CCDC14: variants seen among roughly 807,000 people sequenced by gnomAD.
CCDC14 encodes the protein coiled-coil domain containing 14, also known as coiled-coil domain-containing protein 14.
Under a neutral mutation model 81.4 loss-of-function variants are expected in CCDC14, and 71 were observed. The ratio of observed to expected loss-of-function variants is 0.87; its 90% CI spans 0.72 to 1.06. CCDC14 has a LOEUF of 1.06. CCDC14 is among the 50% of genes least tolerant of loss of function. CCDC14 has a pLI of 0.00. For missense variants in CCDC14, 1,046 were observed against 1,047.3 expected, an observed-to-expected ratio of 1.00 and a Z score of 0.02; for synonymous variants, 332 against 364.8, an observed-to-expected ratio of 0.91 and a Z score of 1.03.
chr3:123,894,260 G>A (rs1321524743), downstream of CCDC14, among the ~76,000 whole-genome samples: 1 of 152,146 alleles, frequency 6.6e-6, no homozygotes. Flanking sequence ...GTTGAAAATA[G>A]GCTGACCATA....
intron 12 of CCDC14, among the ~76,000 whole-genome samples, chr3:123,928,400 G>A (rs1441565006): frequency 6.6e-6 from 1 of 151,600 alleles, no homozygotes; most frequent in Non-Finnish European, 1.5e-5. Flanking sequence ...CAGCTACTGG[G>A]GAGGCTGAGG....
intron 12 of CCDC14, among the ~76,000 whole-genome samples, chr3:123,929,196 T>C (rs1230493014): frequency 6.6e-6 from 1 of 152,224 alleles, no homozygotes; most frequent in Non-Finnish European, 1.5e-5. Context: ...CTCATGGCAC[T>C]TGACCATGCT....
intron 5 of CCDC14, among the ~76,000 whole-genome samples, chr3:123,900,427 C>T (rs2034156475): frequency 6.6e-6 from 1 of 152,198 alleles, no homozygotes; most frequent in African/African-American, 2.4e-5. Flanking sequence ...AGTAGGTCTT[C>T]CAGGACTCCT....
chr3:123,897,645 T>C, intron 5 of CCDC14: 1 of 1,033,278 alleles, frequency 9.7e-7, no homozygotes, highest in Non-Finnish European at 1.2e-6. Flanking sequence ...CATAAATAAA[T>C]ATAAACTTGG....
intron 8 of CCDC14, among the ~76,000 whole-genome samples, chr3:123,945,788 C>T (rs2036594856): frequency 6.6e-6 from 1 of 152,122 alleles, no homozygotes; most frequent in Admixed American, 6.5e-5. Flanking sequence ...AGTATATGTA[C>T]ACAGTAAACA....
At chr3:123,948,547 A>G (rs1171704496) in intron 7 of CCDC14, 144 bp downstream of exon 7, 55 of 736,356 alleles carry the variant, frequency 7.5e-5, no homozygotes, top group Non-Finnish European at 1.1e-4. Flanking sequence ...GGCCATAAAC[A>G]TGTAAAACTT....
At chr3:123,944,333 G>C (rs554344739) in intron 9 of CCDC14, among the ~76,000 whole-genome samples, 1 of 152,224 alleles carries the variant, frequency 6.6e-6, no homozygotes, top group African/African-American at 2.4e-5. Flanking sequence ...ATAAGTGGTA[G>C]CGAAACGATC....
intron 12 of CCDC14, among the ~76,000 whole-genome samples, chr3:123,927,485 T>C (rs2035437993): frequency 1.3e-5 from 2 of 152,136 alleles, no homozygotes; most frequent in Non-Finnish European, 2.9e-5. Context: ...TTCTAAATCT[T>C]TAGAAAATGT....
At chr3:123,958,818 C>A (rs1433612194) in intron 1 of CCDC14, 5 of 152,086 alleles carry the variant, frequency 3.3e-5, no homozygotes, top group Non-Finnish European at 7.4e-5. Context: ...CTCTGGTTCA[C>A]GCCCAATCCA....
chr3:123,948,262 A>T (rs1203227022), intron 7 of CCDC14, among the ~76,000 whole-genome samples: 2 of 146,818 alleles, frequency 1.4e-5, no homozygotes, highest in Non-Finnish European at 3.0e-5. Context: ...TTTGAGATAG[A>T]GTCTCACTCT....
rs1487819898 is a variant in CCDC14, at chr3:123,915,144, A to G, written c.2353T>C (p.Ser785Pro). The G allele has an allele frequency of 6.2e-7, 1 of 1,613,894 alleles. No homozygotes were observed. The highest frequency in any genetic ancestry group is 8.5e-7 in the Non-Finnish European group (1 of 1,179,840). ...GCATCTTCTGCTTCCTTTGTTGAAGAGGAACAGATTACAGGTGTACACAGT... is the reference window on the plus strand; with the variant it reads ...GCATCTTCTGCTTCCTTTGTTGAAGGGGAACAGATTACAGGTGTACACAGT... The part of the protein sequence containing the change: ...NKLCTPVICS[S>P]STKEAEDAPE... Residue 785 changes from serine to proline, a missense_variant, in exon 13 of 13, where the codon TCT (serine) becomes CCT (proline). Ser to Pro is a moderately conservative substitution (Grantham distance 74). Transcript: ENST00000409697.
At chr3:123,937,767 T>C (rs1480103879) in intron 9 of CCDC14, among the ~76,000 whole-genome samples, 2 of 151,964 alleles carry the variant, frequency 1.3e-5, no homozygotes, top group Non-Finnish European at 2.9e-5. Context: ...CTCTTACGTT[T>C]CCTTTCAGAG....
chr3:123,949,153 A>G (rs1250900009), intron 5 of CCDC14, 21 bp from the exon 6 acceptor site: 1 of 1,462,408 alleles, frequency 6.8e-7, no homozygotes, highest in Non-Finnish European at 9.4e-7. Flanking sequence ...AGAAGAAAAA[A>G]GTTCTTGAAA....
rs1046666099 is a variant in CCDC14, at chr3:123,933,727, T to C, written c.1372A>G (p.Arg458Gly). 7 of 1,572,658 alleles carry C rather than the reference T, an allele frequency of 4.5e-6. No individual in the cohort carries two copies. Among genetic ancestry groups the C allele is most frequent in the Non-Finnish European group, 6.1e-6 (7 of 1,156,442 alleles). The change falls in exon 10 of 13, where the codon AGA becomes GGA. Residue 458 changes from arginine to glycine, a missense_variant. Coordinates refer to ENST00000409697, the MANE Select transcript of CCDC14 (RefSeq NM_001366335.1). ...GGTTTTTGAGTTTTCTGTTGTTCTCTGAGTTGCTGGTTCAAAATTCTCAAC... is the reference window on the plus strand; with the variant it reads ...GGTTTTTGAGTTTTCTGTTGTTCTCCGAGTTGCTGGTTCAAAATTCTCAAC... ...RQLRILNQQL[R>G]EQQKTQKPSG... is the part of the protein sequence containing the mutation.
At chr3:123,929,183 AC>A (rs1166947015) in intron 12 of CCDC14, among the ~76,000 whole-genome samples, 4 of 151,990 alleles carry the variant, frequency 2.6e-5, no homozygotes, top group Non-Finnish European at 4.4e-5. Context: ...TCCTAAGCAA[AC>A]TCTCATGGCA....
intron 9 of CCDC14, among the ~76,000 whole-genome samples, chr3:123,938,217 A>G (rs1449369898): frequency 6.6e-6 from 1 of 151,858 alleles, no homozygotes; most frequent in Non-Finnish European, 1.5e-5. Context: ...CTATACATCA[A>G]TTTGGGGAGA....
At position 123,947,138 on chromosome 3, in the gene CCDC14, G is replaced by A; in HGVS notation, c.866C>T (p.Pro289Leu). 6.2e-7 allele frequency: 1 copy of A among 1,613,768 alleles called. No individual in the cohort carries two copies. The highest frequency in any genetic ancestry group is 8.5e-7 in the Non-Finnish European group (1 of 1,179,808). ...TGTTTCCTTATGAATTCCTTGTTGTGGCAGAATTCCATTAACAAGGCCCAG... is the reference window on the plus strand; with the variant it reads ...TGTTTCCTTATGAATTCCTTGTTGTAGCAGAATTCCATTAACAAGGCCCAG... Reference protein sequence around the residue: ...QQLGLVNGILPQQGIHKETDL... With the variant: ...QQLGLVNGILLQQGIHKETDL... The change falls in exon 8 of 13, where the codon CCA (proline) becomes CTA (leucine). Residue 289 changes from proline (P) to leucine (L), a missense_variant. Coordinates refer to ENST00000409697, the MANE Select transcript of CCDC14 (RefSeq NM_001366335.1).
At position 123,948,683 on chromosome 3, in the gene CCDC14, G is replaced by T; in HGVS notation, c.684+8C>A. ...TAGTTACTTATGTAGTATAAGAACT[G>T]TACGCACAGAATGAACCTTTGGAGG... On this transcript the variant is annotated splice_region_variant and intron_variant, in intron 7 of 12. Coordinates refer to ENST00000409697, the MANE Select transcript of CCDC14 (RefSeq NM_001366335.1). 6.3e-7 allele frequency: 1 copy of T among 1,587,410 alleles called. No homozygotes were observed. Among genetic ancestry groups the T allele is most frequent in the Non-Finnish European group, 8.6e-7 (1 of 1,168,070 alleles).
In CCDC14 at chr3:123,913,752, C is replaced by G. The variant is rs2034509978; in HGVS notation, c.*1027G>C. The G allele has an allele frequency of 1.0e-6, 1 of 984,166 alleles. No individual in the cohort carries two copies. Among genetic ancestry groups the G allele is most frequent in the Non-Finnish European group, 1.2e-6 (1 of 829,754 alleles). 61.0% of individuals were successfully genotyped at this position (984,166 alleles called of 1,614,324 possible). ...AGGAGAACACTCTTTAATGATAAAG[C>G]CTGTCCAAGTACTAAGGACAATTAG... On this transcript the variant is annotated 3_prime_UTR_variant, in exon 13 of 13. Coordinates refer to ENST00000409697, the MANE Select transcript of CCDC14 (RefSeq NM_001366335.1).
Sources: allele counts gnomAD v4.1 joint callset (sites outside exome capture counted in the v4.1 genomes callset), GRCh38; gene constraint gnomAD v4.1.1; transcripts MANE v1.5; gene names NCBI Gene and HGNC (gene_info 2026-07-23, HGNC 2026-07-21).